The following WDSUB1 variants were observed in gnomAD, a reference collection of about 807,000 sequenced individuals.
WDSUB1 encodes the protein WD repeat, sterile alpha motif and U-box domain containing 1, also known as WD repeat, SAM and U-box domain-containing protein 1.
In WDSUB1, 49 loss-of-function variants were observed where a neutral mutation model predicts 53.9. The observed-to-expected ratio is 0.91, with a 90% CI of 0.72 to 1.15. The LOEUF (loss-of-function observed/expected upper bound fraction) is 1.15. Among genes scored for constraint, WDSUB1 ranks in the 50% most tolerant of loss-of-function variants. WDSUB1 has a pLI of 0.00. For synonymous variants in WDSUB1, 194 were observed against 200.6 expected (o/e 0.97, Z 0.28); for missense variants, 514 against 562.0 (o/e 0.91, Z 0.86).
chr2:159,259,916 T>A, intron 5 of WDSUB1, 73 bp from the exon 6 acceptor site: 2 of 1,348,534 alleles, frequency 1.5e-6, no homozygotes, highest in South Asian at 1.4e-5. Flanking sequence ...TTAGTATTTT[T>A]AAGTAATTTT....
At chr2:159,278,884 T>C (rs2061596194) in intron 3 of WDSUB1, among the ~76,000 whole-genome samples, 1 of 152,188 alleles carries the variant, frequency 6.6e-6, no homozygotes, top group Non-Finnish European at 1.5e-5. Flanking sequence ...TTTTGTCCAA[T>C]AGGGCAGTGA....
chr2:159,286,227 C>G (rs2061794409), intron 1 of WDSUB1: 1 of 153,284 alleles, frequency 6.5e-6, no homozygotes, highest in African/African-American at 2.4e-5. Context: ...GTCCAGCGCT[C>G]CCAAAATAAA....
At chr2:159,263,329 G>C (rs979479843) in intron 5 of WDSUB1, among the ~76,000 whole-genome samples, 1 of 152,150 alleles carries the variant, frequency 6.6e-6, no homozygotes, top group Non-Finnish European at 1.5e-5. Context: ...TTCTCATTTA[G>C]AAAGGATTTG....
intron 9 of WDSUB1, 94 bp downstream of exon 9, chr2:159,256,102 A>G: frequency 8.3e-7 from 1 of 1,203,728 alleles, no homozygotes; most frequent in Non-Finnish European, 1.2e-6. Flanking sequence ...TAGTGCCAGA[A>G]CATTAAGAAG....
At chr2:159,283,967 AC>A (rs1163067501) in intron 1 of WDSUB1, among the ~76,000 whole-genome samples, 2 of 152,152 alleles carry the variant, frequency 1.3e-5, no homozygotes, top group Non-Finnish European at 2.9e-5. Context: ...GGCATGTCCC[AC>A]CACGCCCGGC....
chr2:159,286,099 G>C (rs1464905381), intron 1 of WDSUB1, among the ~76,000 whole-genome samples: 1 of 152,096 alleles, frequency 6.6e-6, no homozygotes, highest in African/African-American at 2.4e-5. Context: ...AGGGGGGGCG[G>C]TGTGGGCGTT....
At chr2:159,283,648 T>C (rs1575504152) in intron 1 of WDSUB1, among the ~76,000 whole-genome samples, 2 of 54,634 alleles carry the variant, frequency 3.7e-5, no homozygotes, top group East Asian at 4.3e-4. Flanking sequence ...GCCAAGGCTA[T>C]CTGCTCCGCC....
chr2:159,283,410 C>T (rs1363299796), intron 1 of WDSUB1, among the ~76,000 whole-genome samples: 1 of 152,016 alleles, frequency 6.6e-6, no homozygotes, highest in Non-Finnish European at 1.5e-5. Context: ...GCCTGGAGCC[C>T]CAGCTACAAA....
In WDSUB1 at chr2:159,252,824, G is replaced by A. The variant is rs575833576; in HGVS notation, c.1132+3372C>T. On this transcript the variant is annotated intron_variant, in intron 9 of 10. Transcript: ENST00000359774. ...TTAGAAAATGATAAAAATGTCTTAT[G>A]TGCTTTTATGATTTCTTGGAAAGAA... 1.3e-5 allele frequency among the ~76,000 whole-genome samples: 2 copies of A among 152,252 alleles called. 1 individual carries two copies. The highest frequency in any genetic ancestry group is 4.8e-5 in the African/African-American group (2 of 41,560).
At chr2:159,257,056 T>G (rs895371633) in intron 8 of WDSUB1, among the ~76,000 whole-genome samples, 2 of 152,172 alleles carry the variant, frequency 1.3e-5, no homozygotes, top group Non-Finnish European at 2.9e-5. Context: ...TGAAGTACAG[T>G]GGCGTGTTCT....
intron 9 of WDSUB1, among the ~76,000 whole-genome samples, chr2:159,255,838 T>A (rs2061050550): frequency 6.6e-6 from 1 of 152,222 alleles, no homozygotes; most frequent in Non-Finnish European, 1.5e-5. Flanking sequence ...TAGAGCATGA[T>A]ATCAAAACTT....
chr2:159,256,225 T>C lies in WDSUB1; in HGVS notation c.1103A>G (p.Lys368Arg). 1 of 1,602,974 alleles carries C rather than the reference T, an allele frequency of 6.2e-7. No individual in the cohort carries two copies. Among genetic ancestry groups the C allele is most frequent in the South Asian group, 1.1e-5 (1 of 87,654 alleles). Residue 368 changes from lysine to arginine, a missense_variant, in exon 9 of 11, where the codon AAA (lysine) becomes AGA (arginine). By Grantham distance (26) the Lys-to-Arg change is conservative (BLOSUM62 2). Transcript: ENST00000359774. ...TTTCAAATCATCAGCCAGACTTTCT[T>C]TTGTAAGATTCAACAGTTCTTTTCC... ...IDGKELLNLT[K>R]ESLADDLKIE... is the part of the protein sequence containing the mutation.
intron 2 of WDSUB1, 69 bp from the exon 3 acceptor site, chr2:159,280,014 G>A (rs1416088456): frequency 1.4e-6 from 2 of 1,393,934 alleles, no homozygotes; most frequent in South Asian, 3.0e-5. Flanking sequence ...GTCTCTAACA[G>A]CAGCTTGATA....
chr2:159,283,360 C>T (rs542044295), intron 1 of WDSUB1, among the ~76,000 whole-genome samples: 4 of 152,238 alleles, frequency 2.6e-5, no homozygotes, highest in Admixed American at 6.5e-5. Context: ...AGCACACCCT[C>T]GATCCCTCGC....
chr2:159,260,689 C>A lies in WDSUB1; in HGVS notation c.771-846G>T, dbSNP rs564562812. On this transcript the variant is annotated intron_variant, in intron 5 of 10. Coordinates refer to ENST00000359774, the MANE Select transcript of WDSUB1 (RefSeq NM_001128212.3). ...TTATGCTAGCAAAGAAAAAGAACAT[C>A]ACACACACAAAAATACAACATTATA... 2.6e-5 allele frequency among the ~76,000 whole-genome samples: 4 copies of A among 152,268 alleles called. No homozygotes were observed. In the East Asian group the frequency reaches 7.7e-4, roughly 29 times the overall value.
intron 10 of WDSUB1, among the ~76,000 whole-genome samples, chr2:159,245,848 C>T (rs1381451147): frequency 6.6e-6 from 1 of 152,036 alleles, no homozygotes; most frequent in Non-Finnish European, 1.5e-5. Context: ...TTTCTTAGGA[C>T]TCAAAGTATG....
In WDSUB1 at chr2:159,279,741, A is replaced by C. The variant is rs1202345780; in HGVS notation, c.583+20T>G. The stretch of plus-strand genomic sequence containing the variant: ...TTACAAATAGGAATTTCTAGTGCTT[A>C]AAAGAATAAAATAACCAACCAGAAA... On this transcript the variant is annotated intron_variant, in intron 3 of 10. Transcript: ENST00000359774. 1 of 1,585,956 alleles carries C rather than the reference A, an allele frequency of 6.3e-7. No homozygotes were observed. Among genetic ancestry groups the C allele is most frequent in the Non-Finnish European group, 8.6e-7 (1 of 1,166,260 alleles).
intron 9 of WDSUB1, among the ~76,000 whole-genome samples, chr2:159,254,316 T>C (rs1358344006): frequency 2.0e-5 from 3 of 152,190 alleles, no homozygotes; most frequent in Non-Finnish European, 2.9e-5. Context: ...TCCTAGCACA[T>C]TGGGAGGCCG....
intron 1 of WDSUB1, among the ~76,000 whole-genome samples, chr2:159,285,912 C>T (rs1479683045): frequency 6.6e-6 from 1 of 152,118 alleles, no homozygotes; most frequent in Non-Finnish European, 1.5e-5. Context: ...CTCGCAAATC[C>T]CAGCTGTGCA....
Sources: gnomAD v4.1 joint callset for allele counts (sites outside exome capture counted in the v4.1 genomes callset) on GRCh38, gnomAD v4.1.1 for gene constraint, MANE v1.5 for transcripts, NCBI Gene and HGNC (gene_info 2026-07-23, HGNC 2026-07-21) for gene names.